The following RAD23B variants were observed in gnomAD, a reference collection of about 807,000 sequenced individuals.
RAD23B encodes the protein RAD23 nucleotide excision repair protein B.
In RAD23B, 5 loss-of-function variants were observed where a neutral mutation model predicts 49.1. The ratio of observed to expected loss-of-function variants is 0.10; its 90% CI spans 0.05 to 0.21. The LOEUF (loss-of-function observed/expected upper bound fraction) is 0.21, where lower values mean the gene tolerates loss of function less well. Ranked by LOEUF, RAD23B falls within the 10% of genes least tolerant of loss-of-function variation. RAD23B has a pLI of 1.00. For synonymous variants in RAD23B, 184 were observed against 165.4 expected (o/e 1.11, Z -0.86); for missense variants, 356 against 486.7 (o/e 0.73, Z 2.53).
intron 4 of RAD23B, among the ~76,000 whole-genome samples, chr9:107,309,826 G>A (rs1461288025): frequency 6.6e-6 from 1 of 151,838 alleles, no homozygotes; most frequent in African/African-American, 2.4e-5. Flanking sequence ...AGGTACTCAG[G>A]AGGCTGAGGC....
At chr9:107,319,303 T>A (rs551670509) in intron 6 of RAD23B, among the ~76,000 whole-genome samples, 6 of 151,742 alleles carry the variant, frequency 4.0e-5, no homozygotes, top group Non-Finnish European at 7.4e-5. Context: ...GCTAATTTTT[T>A]TGTATTTTTA....
chr9:107,315,934 A>G (rs2133089176), intron 5 of RAD23B, among the ~76,000 whole-genome samples: 2 of 152,254 alleles, frequency 1.3e-5, no homozygotes, highest in South Asian at 2.1e-4. Context: ...TTTAGGAGTC[A>G]TAGTGTAATG....
At position 107,283,298 on chromosome 9, in the gene RAD23B, C is replaced by T. The variant is rs868693690; in HGVS notation, c.-332C>T. ...CTCGGCGAGTCACGATGATGGCGGC[C>T]ACCATCCTGTGGTGAGCTAGCGGAT... On this transcript the variant is annotated 5_prime_UTR_variant, in exon 1 of 10. Coordinates refer to ENST00000358015, the MANE Select transcript of RAD23B (RefSeq NM_002874.5). 3.0e-5 allele frequency: 12 copies of T among 404,214 alleles called. No individual in the cohort carries two copies. The highest frequency in any genetic ancestry group is 2.3e-4 in the African/African-American group (11 of 48,632). The allele number at this position is 404,214 out of a possible 1,614,324, so 25.0% of individuals were successfully genotyped here. A position where few individuals can be genotyped will look rare whatever the true frequency, so the allele number is the denominator to read the frequency against.
chr9:107,284,161 G>C, intron 1 of RAD23B: 1 of 987,340 alleles, frequency 1.0e-6, no homozygotes, highest in Non-Finnish European at 1.2e-6. Flanking sequence ...AAAAAAAAAA[G>C]TATCAGGTTC....
chr9:107,305,483 C>T (rs1049490256), intron 3 of RAD23B, among the ~76,000 whole-genome samples: 4 of 152,014 alleles, frequency 2.6e-5, no homozygotes, highest in Non-Finnish European at 5.9e-5. Flanking sequence ...CAGGCACACT[C>T]AGTGTAACTT....
intron 6 of RAD23B, among the ~76,000 whole-genome samples, chr9:107,321,761 C>T (rs1440379188): frequency 1.3e-5 from 2 of 152,138 alleles, no homozygotes; most frequent in African/African-American, 4.8e-5. Flanking sequence ...TGCTGCTTTG[C>T]ATTATTATAG....
In RAD23B at chr9:107,283,732, C is replaced by G. The variant is rs529738596; in HGVS notation, c.66+37C>G. On this transcript the variant is annotated intron_variant, in intron 1 of 9. Coordinates refer to ENST00000358015, the MANE Select transcript of RAD23B (RefSeq NM_002874.5). ...GGCCGGGGGCAGGGGCAGCCGCGTG[C>G]GGGCCGCGGGGAGCGCCAGGAGCTC... is the stretch of plus-strand genomic sequence containing the variant. 47 of 1,399,246 alleles carry G rather than the reference C, an allele frequency of 3.4e-5. No homozygotes were observed. The African/African-American group carries it at 6.6e-4, about 20-fold the overall frequency. 86.7% of individuals were successfully genotyped at this position (1,399,246 alleles called of 1,614,324 possible).
chr9:107,297,863 G>C (rs1167943962), intron 1 of RAD23B, among the ~76,000 whole-genome samples: 1 of 152,004 alleles, frequency 6.6e-6, no homozygotes, highest in Non-Finnish European at 1.5e-5. Flanking sequence ...ATTGTAACCT[G>C]TCAAGAATGA....
Position 107,318,647 on chromosome 9 carries a change from C to G in RAD23B, c.554-105C>G. On this transcript the variant is annotated intron_variant, in intron 5 of 9. Transcript: ENST00000358015. This position sits in a 1 kb window ranked among gnomAD's most constrained non-coding sequence, Gnocchi z 4.3. Reference sequence around the variant, plus strand: ...TATACTGTTACTCATCTTTGTATTCCCAGCATAGTAGTTCCTGAAATGTTG... The same window carrying G: ...TATACTGTTACTCATCTTTGTATTCGCAGCATAGTAGTTCCTGAAATGTTG... 1 of 1,227,204 alleles carries G rather than the reference C, an allele frequency of 8.1e-7. No individual in the cohort carries two copies. The allele number at this position is 1,227,204 out of a possible 1,614,324, so 76.0% of individuals were successfully genotyped here. A position where few individuals can be genotyped will look rare whatever the true frequency, so the allele number is the denominator to read the frequency against.
intron 1 of RAD23B, among the ~76,000 whole-genome samples, chr9:107,293,858 A>G (rs1285008844): frequency 6.6e-6 from 1 of 152,138 alleles, no homozygotes; most frequent in Non-Finnish European, 1.5e-5. Flanking sequence ...ATTATAGCTC[A>G]CTCCAACCTT....
intron 1 of RAD23B, among the ~76,000 whole-genome samples, chr9:107,285,862 A>G (rs7855013): frequency 0.039 from 5,983 of 152,248 alleles, 358 homozygotes; most frequent in African/African-American, 0.13. Context: ...ACTTTAGGAA[A>G]TATTTTTCAT....
chr9:107,318,940 A>G lies in RAD23B; in HGVS notation c.681+61A>G. 1 of 1,509,306 alleles carries G rather than the reference A, an allele frequency of 6.6e-7. No homozygotes were observed. The highest frequency in any genetic ancestry group is 9.1e-7 in the Non-Finnish European group (1 of 1,104,918). The allele number at this position is 1,509,306 out of a possible 1,614,324, so 93.5% of individuals were successfully genotyped here. ...TTTAAGATTAAAATCTCAAAGAAAC[A>G]GATTTTAAAGGACCAGTTCACTTGT... is the stretch of plus-strand genomic sequence containing the variant. On this transcript the variant is annotated intron_variant, in intron 6 of 9. Coordinates refer to ENST00000358015, the MANE Select transcript of RAD23B (RefSeq NM_002874.5). The surrounding 1 kb of genome is among the most constrained non-coding windows in gnomAD (Gnocchi z 4.3).
chr9:107,326,036 A>G (rs1827196468), intron 9 of RAD23B, among the ~76,000 whole-genome samples: 1 of 152,128 alleles, frequency 6.6e-6, no homozygotes, highest in Admixed American at 6.5e-5. Flanking sequence ...TTGATTTTGT[A>G]TGTTGAACCA....
intron 1 of RAD23B, among the ~76,000 whole-genome samples, chr9:107,290,049 C>G (rs950518350): frequency 1.3e-5 from 2 of 152,166 alleles, no homozygotes; most frequent in African/African-American, 2.4e-5. Context: ...GACAGTCTTA[C>G]AGTTTACTAG....
At chr9:107,298,624 C>T (rs1826583701) in intron 1 of RAD23B, among the ~76,000 whole-genome samples, 1 of 151,160 alleles carries the variant, frequency 6.6e-6, no homozygotes, top group Admixed American at 6.6e-5. Context: ...AGCCACTGCG[C>T]CTGACCCAAT....
chr9:107,312,882 T>A (rs747592641), intron 5 of RAD23B, among the ~76,000 whole-genome samples: 64 of 152,042 alleles, frequency 4.2e-4, no homozygotes, highest in Non-Finnish European at 8.1e-4. Context: ...GCAGCTGGAA[T>A]GCATTGATGC....
chr9:107,327,238 T>C (rs1014070875), intron 9 of RAD23B, among the ~76,000 whole-genome samples: 12 of 147,680 alleles, frequency 8.1e-5, no homozygotes, highest in African/African-American at 2.2e-4. Flanking sequence ...CCCTATTGTT[T>C]TTCTAGTCTT....
At chr9:107,286,999 C>T (rs1003050421) in intron 1 of RAD23B, among the ~76,000 whole-genome samples, 1 of 150,756 alleles carries the variant, frequency 6.6e-6, no homozygotes, top group Non-Finnish European at 1.5e-5. Context: ...CGCTTGAACC[C>T]AGGAGGCAGA....
intron 3 of RAD23B, among the ~76,000 whole-genome samples, chr9:107,304,825 C>T (rs2133078045): frequency 6.6e-6 from 1 of 152,236 alleles, no homozygotes; most frequent in South Asian, 2.1e-4. Flanking sequence ...GAGTGCTGGC[C>T]TCTCCCCTAC....
Sources: gnomAD v4.1 joint callset for allele counts (sites outside exome capture counted in the v4.1 genomes callset) on GRCh38, gnomAD v4.1.1 for gene constraint, Gnocchi (gnomAD v3.1) non-coding constraint, MANE v1.5 for transcripts, NCBI Gene and HGNC (gene_info 2026-07-23, HGNC 2026-07-21) for gene names.